The following PCDHGA2 variants were observed in gnomAD, a reference collection of about 807,000 sequenced individuals.
PCDHGA2 encodes the protein protocadherin gamma subfamily A, 2, also known as protocadherin gamma-A2.
PCDHGA2 carries 40 observed loss-of-function variants against 59.2 expected under a neutral mutation model. The observed-to-expected ratio is 0.68, with a 90% CI of 0.52 to 0.88. The LOEUF is 0.88. Among genes scored for constraint, PCDHGA2 ranks in the 40% least tolerant of loss-of-function variants. The pLI is 0.00. For synonymous variants in PCDHGA2, 560 were observed against 526.0 expected, an observed-to-expected ratio of 1.06 and a Z score of -0.89; for missense variants, 1,226 against 1,204.0, an observed-to-expected ratio of 1.02 and a Z score of -0.27.
rs774533218 is a variant in PCDHGA2 at position 141,340,258 on chromosome 5, C to A, written c.1287C>A (p.Asn429Lys). 25 of 1,614,010 alleles carry A rather than the reference C, an allele frequency of 1.5e-5. No homozygotes were observed. The East Asian group carries it at 2.7e-4, about 17-fold the overall frequency. The change falls in exon 1 of 4, where the codon AAC (asparagine) becomes AAA (lysine). Residue 429 changes from asparagine to lysine, a missense_variant. Physicochemically the swap from Asn to Lys is moderately conservative, Grantham distance 94. Transcript: ENST00000394576. ...NITLTAKDGG[N>K]PSLSTDAHIL... ...CTCTAACCGCTAAAGATGGAGGGAA[C>A]CCCTCCCTGTCCACGGATGCTCACA...
chr5:141,484,944 AG>A (rs1354711871), intron 1 of PCDHGA2: 1 of 546,450 alleles, frequency 1.8e-6, no homozygotes, highest in Non-Finnish European at 3.3e-6. Context: ...TTCTCTGCTC[AG>A]CCTATTGGCT....
intron 1 of PCDHGA2, chr5:141,366,538 C>T (rs1369448812): frequency 2.5e-6 from 4 of 1,614,268 alleles, no homozygotes; most frequent in Admixed American, 1.7e-5. Flanking sequence ...CGGGTGTGCC[C>T]GCCTCGCACT....
chr5:141,393,535 T>G, intron 1 of PCDHGA2: 1 of 1,613,888 alleles, frequency 6.2e-7, no homozygotes, highest in Non-Finnish European at 8.5e-7. Context: ...AATGCCCCGG[T>G]TTTTCCTCAC....
At chr5:141,357,099 G>A (rs1760468587) in intron 1 of PCDHGA2, 1 of 1,613,872 alleles carries the variant, frequency 6.2e-7, no homozygotes, top group Non-Finnish European at 8.5e-7. Flanking sequence ...GGGCCCTGCT[G>A]GACAGAGACG....
At chr5:141,412,204 T>G (rs2095542280) in intron 1 of PCDHGA2, 1 of 152,240 alleles carries the variant, frequency 6.6e-6, no homozygotes, top group Admixed American at 6.5e-5. Context: ...ACAGGTCATT[T>G]GACATAAACA....
Position 141,355,345 on chromosome 5 carries a change from G to C in PCDHGA2, c.2424+13950G>C. 6.2e-7 allele frequency: 1 copy of C among 1,614,020 alleles called. No homozygotes were observed. The highest frequency in any genetic ancestry group is 1.7e-5 in the Admixed American group (1 of 60,032). On this transcript the variant is annotated intron_variant, in intron 1 of 3. Coordinates refer to ENST00000394576, the MANE Select transcript of PCDHGA2 (RefSeq NM_018915.4). ...AGAAGGCTCAGTGGTGGGCAACATCGCCAAGGACCTGGGGTTGGCGCCCCG... is the reference window on the plus strand; with the variant it reads ...AGAAGGCTCAGTGGTGGGCAACATCCCCAAGGACCTGGGGTTGGCGCCCCG...
rs764039295 is a variant in PCDHGA2 at position 141,374,747 on chromosome 5, C to T, written c.2424+33352C>T. The T allele has an allele frequency of 3.7e-6, 6 of 1,612,022 alleles. No homozygotes were observed. Among genetic ancestry groups the T allele is most frequent in the East Asian group, 4.5e-5 (2 of 44,822 alleles). On this transcript the variant is annotated intron_variant, in intron 1 of 3. Transcript: ENST00000394576. ...TGCCATGGATGGCGGCGACCCTGTC[C>T]GCTCAAGCGTCGCCCAAATTCTGGT... is the stretch of plus-strand genomic sequence containing the variant.
At chr5:141,394,938 G>T (rs367656720) in intron 1 of PCDHGA2, 1 of 1,613,662 alleles carries the variant, frequency 6.2e-7, no homozygotes, top group Non-Finnish European at 8.5e-7. Context: ...CGCCTTTGTC[G>T]CTGTGCTTCT....
In PCDHGA2 at chr5:141,372,187, C is replaced by T. The variant is rs368451043; in HGVS notation, c.2424+30792C>T. ...AAGGTGGTGGCGGTGGACGCAGACT[C>T]GGGATACAACGCCTGGCTGTCCTAC... On this transcript the variant is annotated intron_variant, in intron 1 of 3. Coordinates refer to ENST00000394576, the MANE Select transcript of PCDHGA2 (RefSeq NM_018915.4). 5 of 1,613,508 alleles carry T rather than the reference C, an allele frequency of 3.1e-6. No homozygotes were observed. The highest frequency in any genetic ancestry group is 4.2e-6 in the Non-Finnish European group (5 of 1,179,930).
chr5:141,350,818 T>C, intron 1 of PCDHGA2: 1 of 1,614,010 alleles, frequency 6.2e-7, no homozygotes, highest in Non-Finnish European at 8.5e-7. Context: ...CTGATGGAAG[T>C]AAATATCCGG....
chr5:141,489,944 T>C lies in PCDHGA2; in HGVS notation c.2425-4863T>C. On this transcript the variant is annotated intron_variant, in intron 1 of 3. Coordinates refer to ENST00000394576, the MANE Select transcript of PCDHGA2 (RefSeq NM_018915.4). The surrounding 1 kb of genome is among the most constrained non-coding windows in gnomAD (Gnocchi z 4.5). Reference sequence around the variant, plus strand: ...CTTATCTCTGTCATCGTGCTGGACATCAATGATAATGCTCCAACCTTCCAA... The same window carrying C: ...CTTATCTCTGTCATCGTGCTGGACACCAATGATAATGCTCCAACCTTCCAA... 6.2e-7 allele frequency: 1 copy of C among 1,614,172 alleles called. No homozygotes were observed. Among genetic ancestry groups the C allele is most frequent in the Non-Finnish European group, 8.5e-7 (1 of 1,180,010 alleles).
At chr5:141,404,783 G>A (rs758824309) in intron 1 of PCDHGA2, 39 of 1,613,798 alleles carry the variant, frequency 2.4e-5, no homozygotes, top group South Asian at 2.2e-4. Context: ...CCTATTCAAG[G>A]CCAGTGAGCC....
chr5:141,472,281 C>A (rs944776124), intron 1 of PCDHGA2, among the ~76,000 whole-genome samples: 2 of 152,202 alleles, frequency 1.3e-5, no homozygotes, highest in Non-Finnish European at 2.9e-5. Context: ...GTGGCTCACA[C>A]CTGTAATCCC....
In PCDHGA2 at chr5:141,431,494, C is replaced by A; in HGVS notation, c.2425-63313C>A. 6.2e-7 allele frequency: 1 copy of A among 1,613,956 alleles called. No homozygotes were observed. Among genetic ancestry groups the A allele is most frequent in the Middle Eastern group, 1.6e-4 (1 of 6,062 alleles). On this transcript the variant is annotated intron_variant, in intron 1 of 3. Coordinates refer to ENST00000394576, the MANE Select transcript of PCDHGA2 (RefSeq NM_018915.4). This position sits in a 1 kb window ranked among gnomAD's most constrained non-coding sequence, Gnocchi z 4.8. Reference sequence around the variant, plus strand: ...ACAACGCACCAGCGTTTGCTCAGCCCGAGTACCGCGCGAGCGTTCCGGAGA... The same window carrying A: ...ACAACGCACCAGCGTTTGCTCAGCCAGAGTACCGCGCGAGCGTTCCGGAGA...
chr5:141,341,480 A>C (rs775292538), intron 1 of PCDHGA2, 85 bp downstream of exon 1: 2 of 1,578,700 alleles, frequency 1.3e-6, no homozygotes, highest in African/African-American at 2.7e-5. Context: ...TTTGTTCCCC[A>C]TATTTCCTTG....
rs754380051 is a variant in PCDHGA2 at position 141,344,714 on chromosome 5, C to T, written c.2424+3319C>T. 8.1e-6 allele frequency: 13 copies of T among 1,613,858 alleles called. No individual in the cohort carries two copies. The African/African-American group carries it at 1.6e-4, about 20-fold the overall frequency. ...ACCCTGTCCACTCTGGCAACTTGCA[C>T]ATCCAAGTGATAGTCCTGGATGCAA... On this transcript the variant is annotated intron_variant, in intron 1 of 3. Transcript: ENST00000394576.
At chr5:141,461,738 C>A (rs2099021378) in intron 1 of PCDHGA2, among the ~76,000 whole-genome samples, 1 of 150,904 alleles carries the variant, frequency 6.6e-6, no homozygotes. Flanking sequence ...TGGCACAATC[C>A]CGGCTCCCAG....
chr5:141,371,438 C>T (rs1441229232), intron 1 of PCDHGA2: 3 of 1,613,764 alleles, frequency 1.9e-6, no homozygotes, highest in African/African-American at 1.3e-5. Flanking sequence ...CGGAGATAAC[C>T]CTGGCTTCTG....
In PCDHGA2 at chr5:141,417,959, C is replaced by T. The variant is rs759279387; in HGVS notation, c.2424+76564C>T. 7.4e-6 allele frequency: 12 copies of T among 1,613,616 alleles called. No homozygotes were observed. The highest frequency in any genetic ancestry group is 4.0e-5 in the African/African-American group (3 of 74,932). On this transcript the variant is annotated intron_variant, in intron 1 of 3. Coordinates refer to ENST00000394576, the MANE Select transcript of PCDHGA2 (RefSeq NM_018915.4). The stretch of plus-strand genomic sequence containing the variant: ...CTACCCCACGCTGTGTGAGCCGATC[C>T]GCTACTCGATTCCGGAGGAGCTGGC...
Sources: gnomAD v4.1 joint callset for allele counts (sites outside exome capture counted in the v4.1 genomes callset) on GRCh38, gnomAD v4.1.1 for gene constraint, Gnocchi (gnomAD v3.1) non-coding constraint, MANE v1.5 for transcripts, NCBI Gene and HGNC (gene_info 2026-07-23, HGNC 2026-07-21) for gene names.